ETS1: variants seen among roughly 807,000 people sequenced by gnomAD.
The protein encoded by ETS1 is ETS proto-oncogene 1, transcription factor.
In ETS1, 15 loss-of-function variants were observed where a neutral mutation model predicts 58.6. That is an observed-to-expected ratio of 0.26 (90% CI 0.17 to 0.39). The LOEUF is 0.39. ETS1 is among the 10% of genes least tolerant of loss of function. ETS1 has a pLI of 1.00. For synonymous variants in ETS1, 214 were observed against 218.2 expected (o/e 0.98, Z 0.17); for missense variants, 417 against 610.5 (o/e 0.68, Z 3.34).
intron 8 of ETS1, among the ~76,000 whole-genome samples, chr11:128,472,651 G>A (rs1438149337): frequency 1.3e-5 from 2 of 152,282 alleles, no homozygotes; most frequent in Middle Eastern, 3.4e-3. Context: ...GCCAGGGACT[G>A]AGCACAGTGA....
intron 3 of ETS1, among the ~76,000 whole-genome samples, chr11:128,503,253 A>G (rs1863137422): frequency 6.6e-6 from 1 of 152,240 alleles, no homozygotes; most frequent in African/African-American, 2.4e-5. Context: ...GGGAACTAGT[A>G]GCAAACAGTT....
At chr11:128,522,419 A>C (rs1044979108) in intron 3 of ETS1, 28 of 908,450 alleles carry the variant, frequency 3.1e-5, no homozygotes, top group Non-Finnish European at 3.7e-5. Flanking sequence ...GGGCCGGGCG[A>C]TGTCCGCTTG....
At chr11:128,512,846 T>C (rs930175928) in intron 3 of ETS1, among the ~76,000 whole-genome samples, 2 of 152,254 alleles carry the variant, frequency 1.3e-5, no homozygotes, top group Non-Finnish European at 2.9e-5. Context: ...AAGAGGCAGA[T>C]TGGATGAAAT....
At chr11:128,482,425 C>G (rs528774008) in intron 7 of ETS1, among the ~76,000 whole-genome samples, 2 of 152,324 alleles carry the variant, frequency 1.3e-5, no homozygotes, top group African/African-American at 2.4e-5. Context: ...ATGCTAAAGT[C>G]TCTCTGAAAT....
chr11:128,480,725 C>T (rs1862462611), intron 7 of ETS1, among the ~76,000 whole-genome samples: 1 of 152,168 alleles, frequency 6.6e-6, no homozygotes, highest in African/African-American at 2.4e-5. Flanking sequence ...ACGTTGCTCA[C>T]ATCTGTCGGA....
At position 128,585,136 on chromosome 11, in the gene ETS1, AAAAGAAAGAAAG is replaced by A. The variant is rs778744570; in HGVS notation, c.-15+2340_-15+2351del. On this transcript the variant is annotated intron_variant, in intron 1 of 9. Transcript: ENST00000392668. ...GGAAGGAAAGAAAGAAGAAAGAAAGAAAAGAAAGAAAGAAAGAAAGAAAGAAAGAAAGAGAAA... is the reference window on the plus strand; with the variant it reads ...GGAAGGAAAGAAAGAAGAAAGAAAGAAAAGAAAGAAAGAAAGAAAGAGAAA... 6.4e-4 allele frequency among the ~76,000 whole-genome samples: 9 copies of A among 13,954 alleles called. 3 individuals carry two copies. Among genetic ancestry groups the A allele is most frequent in the African/African-American group, 1.0e-3 (2 of 1,966 alleles). The allele number at this position is 13,954 out of a possible 152,430, so 9.2% of individuals were successfully genotyped here.
intron 1 of ETS1, among the ~76,000 whole-genome samples, chr11:128,584,853 G>A (rs1213412705): frequency 1.4e-5 from 2 of 147,554 alleles, no homozygotes; most frequent in East Asian, 3.9e-4. Context: ...AAGAAAGGGA[G>A]GAAAGGGAAG....
chr11:128,471,850 G>A (rs1862196729), intron 8 of ETS1, among the ~76,000 whole-genome samples: 1 of 152,152 alleles, frequency 6.6e-6, no homozygotes. Flanking sequence ...TTTCTCAGTA[G>A]GATTCTCAAC....
intron 3 of ETS1, chr11:128,522,490 C>T: frequency 2.7e-6 from 1 of 363,684 alleles, no homozygotes; most frequent in Non-Finnish European, 3.8e-6. Context: ...CCGAGCACCG[C>T]GGCCAATCTC....
Position 128,519,329 on chromosome 11 carries a change from C to T in ETS1, c.215-28753G>A, listed in dbSNP as rs1367349307. Among the ~76,000 whole-genome samples, 6 of 152,148 alleles carry T rather than the reference C, an allele frequency of 3.9e-5. No homozygotes were observed. The East Asian group carries it at 1.2e-3, about 29-fold the overall frequency. ...GTTTGGACACCCCACTTTCTTACTGCCTCTCTTTGGCACTCATGAATTTGG... is the reference window on the plus strand; with the variant it reads ...GTTTGGACACCCCACTTTCTTACTGTCTCTCTTTGGCACTCATGAATTTGG... On this transcript the variant is annotated intron_variant, in intron 3 of 9. Coordinates refer to ENST00000392668, the MANE Select transcript of ETS1 (RefSeq NM_001143820.2).
intron 5 of ETS1, among the ~76,000 whole-genome samples, chr11:128,488,199 G>A (rs35394161): frequency 0.18 from 27,136 of 152,200 alleles, 3,099 homozygotes; most frequent in Middle Eastern, 0.27. Flanking sequence ...TGTGCATGGA[G>A]AACATGCCGG....
At chr11:128,502,077 T>C (rs1863105577) in intron 3 of ETS1, among the ~76,000 whole-genome samples, 1 of 152,124 alleles carries the variant, frequency 6.6e-6, no homozygotes, top group Non-Finnish European at 1.5e-5. Flanking sequence ...AATGGGCAGT[T>C]AGAGAACAAT....
At chr11:128,585,042 AAGAAAGAAAG>A (rs1864964183) in intron 1 of ETS1, among the ~76,000 whole-genome samples, 1 of 21,460 alleles carries the variant, frequency 4.7e-5, no homozygotes. Flanking sequence ...AAAAGAAAGA[AAGAAAGAAAG>A]AAAGAAAGAA....
intron 3 of ETS1, among the ~76,000 whole-genome samples, chr11:128,499,934 G>C (rs1863043240): frequency 6.6e-6 from 1 of 152,218 alleles, no homozygotes; most frequent in African/African-American, 2.4e-5. Context: ...GTTTATTTAG[G>C]CTGGAAGAGG....
chr11:128,494,255 G>T (rs2135468214), intron 3 of ETS1, among the ~76,000 whole-genome samples: 1 of 152,294 alleles, frequency 6.6e-6, no homozygotes, highest in South Asian at 2.1e-4. Context: ...CAACGCACTG[G>T]AAAATGAGGA....
At chr11:128,528,044 G>A (rs1029263760) in intron 3 of ETS1, among the ~76,000 whole-genome samples, 12 of 152,290 alleles carry the variant, frequency 7.9e-5, no homozygotes, top group African/African-American at 2.4e-4. Flanking sequence ...GGTACAGGAG[G>A]AAGTAGTGGA....
At chr11:128,478,451 GAGGGAGGA>G (rs1159562412) in intron 8 of ETS1, among the ~76,000 whole-genome samples, 408 of 28,632 alleles carry the variant, frequency 0.014, 2 homozygotes, top group East Asian at 0.056. Context: ...GGGAGAGAGG[GAGGGAGGA>G]AGGAAGGAAG....
intron 3 of ETS1, among the ~76,000 whole-genome samples, chr11:128,490,915 T>C (rs995913889): frequency 2.0e-5 from 3 of 151,976 alleles, no homozygotes; most frequent in African/African-American, 7.3e-5. Context: ...AGACAGGGTT[T>C]CACCATGTTG....
At chr11:128,525,066 T>C (rs957753238) in intron 3 of ETS1, among the ~76,000 whole-genome samples, 4 of 152,176 alleles carry the variant, frequency 2.6e-5, no homozygotes, top group African/African-American at 9.7e-5. Flanking sequence ...CTTCTGTGCT[T>C]GTGCTTGTAC....
Sources: allele counts gnomAD v4.1 joint callset (sites outside exome capture counted in the v4.1 genomes callset), GRCh38; gene constraint gnomAD v4.1.1; transcripts MANE v1.5; gene names NCBI Gene and HGNC (gene_info 2026-07-23, HGNC 2026-07-21).